The following MACROD2 variants were observed in gnomAD, a reference collection of about 807,000 sequenced individuals.
The protein encoded by MACROD2 is mono-ADP ribosylhydrolase 2.
MACROD2 carries 36 observed loss-of-function variants against 70.4 expected under a neutral mutation model. That is an observed-to-expected ratio of 0.51 (90% CI 0.39 to 0.68). The LOEUF (loss-of-function observed/expected upper bound fraction) is 0.68, where lower values mean the gene tolerates loss of function less well. Among genes scored for constraint, MACROD2 ranks in the 30% least tolerant of loss-of-function variants. The pLI, the probability that MACROD2 is intolerant of heterozygous loss-of-function variation, is 0.00. For missense variants in MACROD2, 496 were observed against 538.4 expected, an observed-to-expected ratio of 0.92 and a Z score of 0.78; for synonymous variants, 172 against 178.8, an observed-to-expected ratio of 0.96 and a Z score of 0.30.
chr20:15,144,858 C>T lies in MACROD2; in HGVS notation c.419-85082C>T, dbSNP rs116403012. On this transcript the variant is annotated intron_variant, in intron 5 of 17. Coordinates refer to ENST00000684519, the MANE Select transcript of MACROD2 (RefSeq NM_001351661.2). ...TCTATATTCTGTTCTATAGTACTTA[C>T]TATGCTTACTATAGTACTATATACT... Among the ~76,000 whole-genome samples, 409 of 152,238 alleles carry T rather than the reference C, an allele frequency of 2.7e-3. 3 individuals carry two copies. The highest frequency in any genetic ancestry group is 8.5e-3 in the African/African-American group (355 of 41,538).
At chr20:14,155,027 C>A (rs1055949435) in intron 3 of MACROD2, among the ~76,000 whole-genome samples, 1 of 152,114 alleles carries the variant, frequency 6.6e-6, no homozygotes, top group Non-Finnish European at 1.5e-5. Context: ...CTTGGGGAGG[C>A]CTCTTGGATG....
chr20:15,958,914 A>G (rs1276360615), intron 12 of MACROD2, among the ~76,000 whole-genome samples: 2 of 152,176 alleles, frequency 1.3e-5, no homozygotes, highest in Non-Finnish European at 2.9e-5. Flanking sequence ...CTGGAAAATG[A>G]ACTGGCCAGC....
At chr20:15,387,614 T>C (rs1568768407) in intron 6 of MACROD2, among the ~76,000 whole-genome samples, 1 of 151,812 alleles carries the variant, frequency 6.6e-6, no homozygotes, top group Non-Finnish European at 1.5e-5. Context: ...TGTTCCACCC[T>C]CTACACCAGG....
rs73265057 is a variant in MACROD2, at chr20:15,331,957, G to A, written c.541-99448G>A. Among the ~76,000 whole-genome samples, 126 of 151,452 alleles carry A rather than the reference G, an allele frequency of 8.3e-4. 2 individuals carry two copies. The highest frequency in any genetic ancestry group is 3.0e-3 in the African/African-American group (123 of 40,952). ...AGTTAAAAAGAAAATAGTATATATCGACCTGAAAGTGTATCTCCCCAGCTC... is the reference window on the plus strand; with the variant it reads ...AGTTAAAAAGAAAATAGTATATATCAACCTGAAAGTGTATCTCCCCAGCTC... On this transcript the variant is annotated intron_variant, in intron 6 of 17. Coordinates refer to ENST00000684519, the MANE Select transcript of MACROD2 (RefSeq NM_001351661.2).
intron 5 of MACROD2, among the ~76,000 whole-genome samples, chr20:14,843,990 A>C (rs954747260): frequency 3.3e-5 from 5 of 152,028 alleles, no homozygotes; most frequent in African/African-American, 1.2e-4. Flanking sequence ...ACCATCACCA[A>C]GCTGTCCTGC....
chr20:14,858,120 C>A (rs961949961), intron 5 of MACROD2, among the ~76,000 whole-genome samples: 1 of 151,998 alleles, frequency 6.6e-6, no homozygotes, highest in East Asian at 1.9e-4. Flanking sequence ...AGTGCCTGGC[C>A]GAGGAATGTT....
intron 5 of MACROD2, among the ~76,000 whole-genome samples, chr20:14,721,399 AAAC>A (rs2071468346): frequency 6.6e-6 from 1 of 152,170 alleles, no homozygotes; most frequent in South Asian, 2.1e-4. Context: ...ACTGTCTCAA[AAAC>A]AAATGAACCA....
intron 4 of MACROD2, among the ~76,000 whole-genome samples, chr20:14,643,664 G>T (rs1051641831): frequency 6.6e-6 from 1 of 152,172 alleles, no homozygotes; most frequent in Non-Finnish European, 1.5e-5. Context: ...TAAGTTAAGT[G>T]TGTTAATAGG....
intron 8 of MACROD2, among the ~76,000 whole-genome samples, chr20:15,585,383 A>G (rs1363979563): frequency 6.6e-6 from 1 of 151,700 alleles, no homozygotes; most frequent in Non-Finnish European, 1.5e-5. Flanking sequence ...TTTTTAGTAG[A>G]GACAGGATTT....
At chr20:14,321,088 G>T (rs2082655831) in intron 3 of MACROD2, among the ~76,000 whole-genome samples, 1 of 152,106 alleles carries the variant, frequency 6.6e-6, no homozygotes, top group Non-Finnish European at 1.5e-5. Flanking sequence ...AAGCCAGCTG[G>T]GTGTGGTGGC....
chr20:14,603,629 A>T (rs1600443307), intron 4 of MACROD2, among the ~76,000 whole-genome samples: 1 of 152,304 alleles, frequency 6.6e-6, no homozygotes, highest in Non-Finnish European at 1.5e-5. Context: ...GTTTTAGGGG[A>T]TGATTTTCTC....
At chr20:15,449,997 AAAAT>A (rs1392657592) in intron 7 of MACROD2, among the ~76,000 whole-genome samples, 2 of 152,358 alleles carry the variant, frequency 1.3e-5, no homozygotes, top group East Asian at 3.9e-4. Flanking sequence ...TCCGTCTCAA[AAAAT>A]AAATAAACAT....
At chr20:15,336,197 C>T (rs1024477699) in intron 6 of MACROD2, among the ~76,000 whole-genome samples, 7 of 151,452 alleles carry the variant, frequency 4.6e-5, no homozygotes, top group South Asian at 2.1e-4. Flanking sequence ...GGAAGGCATT[C>T]CTGTTTTGCA....
chr20:14,694,587 G>A (rs760598417), intron 5 of MACROD2, among the ~76,000 whole-genome samples: 4 of 152,102 alleles, frequency 2.6e-5, no homozygotes, highest in Admixed American at 6.5e-5. Context: ...TTATTTAGTA[G>A]TAATTTGTAG....
chr20:14,155,153 TACACA>T (rs1569182597), intron 3 of MACROD2, among the ~76,000 whole-genome samples: 5 of 152,326 alleles, frequency 3.3e-5, no homozygotes, highest in Non-Finnish European at 5.9e-5. Context: ...CATGTATATA[TACACA>T]CATATATATA....
intron 5 of MACROD2, among the ~76,000 whole-genome samples, chr20:15,084,287 C>T (rs944287087): frequency 6.6e-6 from 1 of 151,814 alleles, no homozygotes; most frequent in South Asian, 2.1e-4. Flanking sequence ...ATGCTGGTCT[C>T]GAAGTCCTGA....
intron 5 of MACROD2, among the ~76,000 whole-genome samples, chr20:15,073,213 G>A (rs970984123): frequency 6.6e-6 from 1 of 151,922 alleles, no homozygotes. Flanking sequence ...TGATAATAAA[G>A]ACAAGCTTAA....
chr20:15,083,026 T>C (rs2075717171), intron 5 of MACROD2, among the ~76,000 whole-genome samples: 1 of 152,160 alleles, frequency 6.6e-6, no homozygotes, highest in African/African-American at 2.4e-5. Context: ...GGGTGAGGTC[T>C]AGCTCACACA....
intron 8 of MACROD2, among the ~76,000 whole-genome samples, chr20:15,549,872 G>A (rs140744245): frequency 1.6e-4 from 24 of 150,638 alleles, no homozygotes; most frequent in African/African-American, 5.6e-4. Context: ...TTTTTTCAGC[G>A]CTATCTGAAC....
Sources: gnomAD v4.1 joint callset for allele counts (sites outside exome capture counted in the v4.1 genomes callset) on GRCh38, gnomAD v4.1.1 for gene constraint, MANE v1.5 for transcripts, NCBI Gene and HGNC (gene_info 2026-07-23, HGNC 2026-07-21) for gene names.